PRDM16: variants seen among roughly 807,000 people sequenced by gnomAD.
The protein encoded by PRDM16 is PR/SET domain 16, also known as histone-lysine N-methyltransferase PRDM16.
Under a neutral mutation model 110.6 loss-of-function variants are expected in PRDM16, and 23 were observed. The ratio of observed to expected loss-of-function variants is 0.21; its 90% CI spans 0.15 to 0.29. The LOEUF (loss-of-function observed/expected upper bound fraction) is 0.29. PRDM16 is among the 10% of genes least tolerant of loss of function. The pLI, the probability that PRDM16 is intolerant of heterozygous loss-of-function variation, is 1.00. For synonymous variants in PRDM16, 799 were observed against 781.8 expected, an observed-to-expected ratio of 1.02 and a Z score of -0.37; for missense variants, 1,615 against 1,794.3, an observed-to-expected ratio of 0.90 and a Z score of 1.81.
chr1:3,416,678 G>C (rs1454229638), intron 10 of PRDM16, among the ~76,000 whole-genome samples: 1 of 152,194 alleles, frequency 6.6e-6, no homozygotes, highest in Non-Finnish European at 1.5e-5. Context: ...GGAGCTCCCA[G>C]GGGAGGCAGG....
chr1:3,072,249 G>A (rs1400483617), intron 1 of PRDM16, among the ~76,000 whole-genome samples: 2 of 152,158 alleles, frequency 1.3e-5, no homozygotes, highest in Non-Finnish European at 2.9e-5. Flanking sequence ...GAGCCAGGTG[G>A]GCAGGTGGGG....
In PRDM16 at chr1:3,162,069, G is replaced by T. The variant is rs1643902653; in HGVS notation, c.38-24056G>T. ...CCCTTCCCGTCCCCCTAGACCCCAA[G>T]ACCCCAAAACCACACATGGGCTAAT... On this transcript the variant is annotated intron_variant, in intron 1 of 16. Transcript: ENST00000270722. Among the ~76,000 whole-genome samples the T allele has an allele frequency of 2.0e-5, 3 of 152,010 alleles. No homozygotes were observed. The South Asian group carries it at 6.2e-4, about 32-fold the overall frequency.
chr1:3,315,417 T>C (rs1434460699), intron 3 of PRDM16, among the ~76,000 whole-genome samples: 1 of 152,002 alleles, frequency 6.6e-6, no homozygotes. Flanking sequence ...GGGCTGGCAG[T>C]GAAAGGAGAG....
At chr1:3,266,898 G>C (rs1280819118) in intron 3 of PRDM16, among the ~76,000 whole-genome samples, 3 of 152,208 alleles carry the variant, frequency 2.0e-5, no homozygotes, top group East Asian at 1.9e-4. Context: ...GGCTGCTCTC[G>C]AACTCCTGAC....
At chr1:3,252,922 G>A (rs949813037) in intron 3 of PRDM16, among the ~76,000 whole-genome samples, 1 of 152,116 alleles carries the variant, frequency 6.6e-6, no homozygotes, top group Admixed American at 6.5e-5. Context: ...AAGGAGAAAG[G>A]CAGGGGTGTG....
At chr1:3,335,548 G>A (rs1557616995) in intron 3 of PRDM16, among the ~76,000 whole-genome samples, 1 of 150,512 alleles carries the variant, frequency 6.6e-6, no homozygotes, top group Admixed American at 6.6e-5. Context: ...AACAAACAAG[G>A]CTTCAAACAG....
At chr1:3,217,317 A>C (rs959785808) in intron 2 of PRDM16, among the ~76,000 whole-genome samples, 1 of 152,236 alleles carries the variant, frequency 6.6e-6, no homozygotes, top group Non-Finnish European at 1.5e-5. Context: ...GGCGCACGGC[A>C]GCTTGCAGGC....
At chr1:3,280,444 C>T (rs1640689250) in intron 3 of PRDM16, among the ~76,000 whole-genome samples, 1 of 152,164 alleles carries the variant, frequency 6.6e-6, no homozygotes, top group Non-Finnish European at 1.5e-5. Context: ...CTGCCTGAGT[C>T]CCCCCACCCT....
At chr1:3,320,380 G>A (rs1641713010) in intron 3 of PRDM16, among the ~76,000 whole-genome samples, 1 of 152,208 alleles carries the variant, frequency 6.6e-6, no homozygotes, top group South Asian at 2.1e-4. Context: ...GCAGGTGTAT[G>A]TGAGTGAGAA....
intron 3 of PRDM16, among the ~76,000 whole-genome samples, chr1:3,331,369 A>G (rs767785111): frequency 2.0e-5 from 3 of 151,766 alleles, no homozygotes; most frequent in Non-Finnish European, 4.4e-5. Context: ...TGATGAATGG[A>G]CCCTCTCTGC....
At chr1:3,257,636 G>A (rs1017365528) in intron 3 of PRDM16, among the ~76,000 whole-genome samples, 4 of 152,210 alleles carry the variant, frequency 2.6e-5, no homozygotes, top group African/African-American at 9.7e-5. Flanking sequence ...TGAGTTCCTT[G>A]TGTCTGATTC....
At chr1:3,124,860 C>T (rs1271016544) in intron 1 of PRDM16, among the ~76,000 whole-genome samples, 1 of 152,162 alleles carries the variant, frequency 6.6e-6, no homozygotes, top group African/African-American at 2.4e-5. Context: ...AGCCCCCTCC[C>T]TGCTCCCATC....
chr1:3,176,846 A>G (rs1263674671), intron 1 of PRDM16, among the ~76,000 whole-genome samples: 1 of 150,870 alleles, frequency 6.6e-6, no homozygotes, highest in Non-Finnish European at 1.5e-5. Context: ...TCATTCATTA[A>G]CCCATCCATG....
intron 1 of PRDM16, among the ~76,000 whole-genome samples, chr1:3,181,125 C>T (rs1644159378): frequency 1.4e-5 from 2 of 138,826 alleles, no homozygotes; most frequent in Non-Finnish European, 3.2e-5. Context: ...CTTACACACG[C>T]AGTCTTACAC....
chr1:3,071,144 G>A lies in PRDM16; in HGVS notation c.37+1848G>A, dbSNP rs571285697. On this transcript the variant is annotated intron_variant, in intron 1 of 16. Transcript: ENST00000270722. ...CCTCGCCCAGGATGGGCCCTAAGCTGGAACGAGAAAGGGGAAACCGGCCGC... is the reference window on the plus strand; with the variant it reads ...CCTCGCCCAGGATGGGCCCTAAGCTAGAACGAGAAAGGGGAAACCGGCCGC... Among the ~76,000 whole-genome samples, 19 of 152,370 alleles carry A rather than the reference G, an allele frequency of 1.2e-4. No individual in the cohort carries two copies. In the South Asian group the frequency reaches 3.7e-3, roughly 30 times the overall value.
At chr1:3,360,260 G>A (rs376778543) in intron 3 of PRDM16, among the ~76,000 whole-genome samples, 175 of 152,330 alleles carry the variant, frequency 1.1e-3, no homozygotes, top group African/African-American at 3.8e-3. Context: ...TCTAGAAGCA[G>A]CGGAGTCTTC....
chr1:3,247,864 G>C (rs1639826164), intron 3 of PRDM16, among the ~76,000 whole-genome samples: 1 of 152,264 alleles, frequency 6.6e-6, no homozygotes. Flanking sequence ...GGACCTCTGG[G>C]ACCGCTCCCT....
intron 3 of PRDM16, among the ~76,000 whole-genome samples, chr1:3,378,697 G>A (rs1643039727): frequency 3.3e-5 from 5 of 152,118 alleles, no homozygotes; most frequent in Admixed American, 6.5e-5. Context: ...GAGAGGACAG[G>A]AAAGGTGGCA....
intron 2 of PRDM16, among the ~76,000 whole-genome samples, chr1:3,223,025 C>T (rs1333824096): frequency 6.6e-6 from 1 of 150,708 alleles, no homozygotes; most frequent in Non-Finnish European, 1.5e-5. Context: ...GTAGCATCTG[C>T]AGATGGAAGC....
Sources: gnomAD v4.1 joint callset for allele counts (sites outside exome capture counted in the v4.1 genomes callset) on GRCh38, gnomAD v4.1.1 for gene constraint, MANE v1.5 for transcripts, NCBI Gene and HGNC (gene_info 2026-07-23, HGNC 2026-07-21) for gene names.